Variants in BMP6 observed in about 807,000 individuals in gnomAD.
The protein encoded by BMP6 is VG-1-R.
BMP6 carries 17 observed loss-of-function variants against 54.1 expected under a neutral mutation model. The ratio of observed to expected loss-of-function variants is 0.31; its 90% CI spans 0.22 to 0.47. BMP6 has a LOEUF of 0.47. Among genes scored for constraint, BMP6 ranks in the 20% least tolerant of loss-of-function variants. The pLI, the probability that BMP6 is intolerant of heterozygous loss-of-function variation, is 1.00. For synonymous variants in BMP6, 328 were observed against 291.2 expected (o/e 1.13, Z -1.28); for missense variants, 720 against 690.4 (o/e 1.04, Z -0.48).
chr6:7,873,566 T>C (rs1759563100), intron 4 of BMP6, among the ~76,000 whole-genome samples: 1 of 152,104 alleles, frequency 6.6e-6, no homozygotes, highest in Admixed American at 6.5e-5. Context: ...ATGATTGAAC[T>C]CCATCTCCAG....
At position 7,827,557 on chromosome 6, in the gene BMP6, A is replaced by G. The variant is rs1758719294; in HGVS notation, c.665-17583A>G. ...TTCCTTCTCCAGCCCAGTATTTCCT[A>G]AACTCAATCCTGCAGTAAAATGACA... On this transcript the variant is annotated intron_variant, in intron 1 of 6. Transcript: ENST00000283147. 2.6e-5 allele frequency among the ~76,000 whole-genome samples: 4 copies of G among 152,290 alleles called. 1 individual carries two copies. The South Asian group carries it at 8.3e-4, about 32-fold the overall frequency.
chr6:7,790,290 G>A (rs868411049), intron 1 of BMP6, among the ~76,000 whole-genome samples: 4 of 152,022 alleles, frequency 2.6e-5, no homozygotes, highest in Admixed American at 6.6e-5. Flanking sequence ...GGAAGCAGGC[G>A]GATCTCTTTA....
At position 7,880,296 on chromosome 6, in the gene BMP6, C is replaced by T. The variant is rs999790333; in HGVS notation, c.1495C>T (p.Leu499=). The change falls in exon 7 of 7, where the codon CTG becomes TTG. Residue 499 remains leucine (L), a synonymous_variant. Transcript: ENST00000283147. ...CTTTGATGACAACTCCAATGTCATT[C>T]TGAAAAAATACAGGAATATGGTTGT... The part of the protein sequence containing the change: ...LYFDDNSNVI[L]KKYRNMVVRA... 6.2e-7 allele frequency: 1 copy of T among 1,613,990 alleles called. No individual in the cohort carries two copies. Among genetic ancestry groups the T allele is most frequent in the African/African-American group, 1.3e-5 (1 of 74,888 alleles).
intron 2 of BMP6, among the ~76,000 whole-genome samples, chr6:7,854,215 C>A (rs1759188826): frequency 1.3e-5 from 2 of 152,170 alleles, no homozygotes; most frequent in African/African-American, 4.8e-5. Flanking sequence ...AAACAGATCG[C>A]TTTGGTTACG....
chr6:7,862,022 C>A (rs995381363), intron 3 of BMP6, among the ~76,000 whole-genome samples: 3 of 152,184 alleles, frequency 2.0e-5, no homozygotes, highest in African/African-American at 7.2e-5. Context: ...CCAGGGAGGG[C>A]AGGGTAACTG....
chr6:7,851,928 A>T (rs1759148446), intron 2 of BMP6, among the ~76,000 whole-genome samples: 1 of 152,084 alleles, frequency 6.6e-6, no homozygotes, highest in African/African-American at 2.4e-5. Flanking sequence ...CTTGTGCTTT[A>T]TTATTCTTTT....
intron 1 of BMP6, among the ~76,000 whole-genome samples, chr6:7,791,752 C>T (rs1315698141): frequency 1.3e-5 from 2 of 152,194 alleles, no homozygotes; most frequent in East Asian, 3.8e-4. Flanking sequence ...ATGTACTCAG[C>T]TTCCTAAGCC....
intron 4 of BMP6, among the ~76,000 whole-genome samples, chr6:7,866,916 A>AC (rs1296872932): frequency 6.6e-6 from 1 of 152,108 alleles, no homozygotes; most frequent in Admixed American, 6.5e-5. Context: ...TGTTGGCCAG[A>AC]CTGGAGTGCA....
intron 1 of BMP6, among the ~76,000 whole-genome samples, chr6:7,738,947 T>C (rs1762001897): frequency 6.6e-6 from 1 of 152,176 alleles, no homozygotes; most frequent in African/African-American, 2.4e-5. Context: ...TCTTACGGGC[T>C]TTGTACATCC....
chr6:7,774,397 A>G (rs1757833499), intron 1 of BMP6, among the ~76,000 whole-genome samples: 1 of 152,232 alleles, frequency 6.6e-6, no homozygotes, highest in African/African-American at 2.4e-5. Context: ...TAAAACTACA[A>G]AAACTAGCTG....
chr6:7,823,122 G>C (rs1159878368), intron 1 of BMP6, among the ~76,000 whole-genome samples: 1 of 152,112 alleles, frequency 6.6e-6, no homozygotes, highest in Non-Finnish European at 1.5e-5. Flanking sequence ...AATGTTCTGA[G>C]TTGGGGGATT....
intron 1 of BMP6, among the ~76,000 whole-genome samples, chr6:7,773,742 A>G (rs1191779199): frequency 6.6e-6 from 1 of 152,202 alleles, no homozygotes; most frequent in East Asian, 1.9e-4. Context: ...AATCATGTAC[A>G]TGGGGCCTTT....
At position 7,880,569 on chromosome 6, in the gene BMP6, C is replaced by T. The variant is rs1481331557; in HGVS notation, c.*226C>T. 1.3e-5 allele frequency: 8 copies of T among 595,984 alleles called. No homozygotes were observed. The highest frequency in any genetic ancestry group is 1.3e-4 in the African/African-American group (7 of 53,760). The allele number at this position is 595,984 out of a possible 1,614,324, so 36.9% of individuals were successfully genotyped here. On this transcript the variant is annotated 3_prime_UTR_variant, in exon 7 of 7. Coordinates refer to ENST00000283147, the MANE Select transcript of BMP6 (RefSeq NM_001718.6). Reference sequence around the variant, plus strand: ...TCTGTAGCAAGCTGAGTTTGGATGTCTGTAGCATAAGGTCTGGTAACTGCA... The same window carrying T: ...TCTGTAGCAAGCTGAGTTTGGATGTTTGTAGCATAAGGTCTGGTAACTGCA...
chr6:7,861,084 C>CAA (rs3837026), intron 2 of BMP6, among the ~76,000 whole-genome samples: 1 of 131,828 alleles, frequency 7.6e-6, no homozygotes, highest in Non-Finnish European at 1.6e-5. Context: ...GACCCAGTCT[C>CAA]AAAAAAAAAA....
chr6:7,788,542 T>G (rs537576660), intron 1 of BMP6, among the ~76,000 whole-genome samples: 1 of 152,180 alleles, frequency 6.6e-6, no homozygotes, highest in Non-Finnish European at 1.5e-5. Flanking sequence ...ACTTGGATAG[T>G]TTTAAAGGGT....
In BMP6 at chr6:7,741,000, T is replaced by G. The variant is rs140126082; in HGVS notation, c.664+13381T>G. ...TCATTGGCTCCTGTGGCCACTAGAT[T>G]AAGCTGATGTCTCTGAGGTCCACCC... is the stretch of plus-strand genomic sequence containing the variant. On this transcript the variant is annotated intron_variant, in intron 1 of 6. Coordinates refer to ENST00000283147, the MANE Select transcript of BMP6 (RefSeq NM_001718.6). 3.9e-5 allele frequency among the ~76,000 whole-genome samples: 6 copies of G among 152,292 alleles called. No individual in the cohort carries two copies. The East Asian group carries it at 1.2e-3, about 29-fold the overall frequency.
intron 1 of BMP6, among the ~76,000 whole-genome samples, chr6:7,746,042 A>T (rs531865086): frequency 6.6e-6 from 1 of 152,346 alleles, no homozygotes; most frequent in African/African-American, 2.4e-5. Flanking sequence ...CATGACATTC[A>T]GGCTGAGCGT....
chr6:7,860,304 G>A (rs570985930), intron 2 of BMP6, among the ~76,000 whole-genome samples: 96 of 152,278 alleles, frequency 6.3e-4, no homozygotes, highest in African/African-American at 2.0e-3. Context: ...AATTTTAGTC[G>A]TTTTTCTATC....
intron 1 of BMP6, among the ~76,000 whole-genome samples, chr6:7,796,880 A>T (rs1150890): frequency 0.87 from 131,827 of 152,214 alleles, 57,287 homozygotes; most frequent in African/African-American, 0.92. Flanking sequence ...ATCTTATTCA[A>T]AGCTATTCAA....
Sources: allele counts gnomAD v4.1 joint callset (sites outside exome capture counted in the v4.1 genomes callset), GRCh38; gene constraint gnomAD v4.1.1; transcripts MANE v1.5; gene names NCBI Gene and HGNC (gene_info 2026-07-23, HGNC 2026-07-21).